GRIK2: variants seen among roughly 807,000 people sequenced by gnomAD.
The protein encoded by GRIK2 is glutamate receptor ionotropic, kainate 2.
A neutral mutation model predicts 100.3 loss-of-function variants in GRIK2; 32 were observed. The ratio of observed to expected loss-of-function variants is 0.32; its 90% confidence interval spans 0.24 to 0.43. The LOEUF is 0.43. Ranked by LOEUF, GRIK2 falls within the 20% of genes least tolerant of loss-of-function variation. The probability of loss-of-function intolerance (pLI) is 1.00; values close to 1 mark genes in which losing one functional copy is unlikely to be tolerated. For missense variants in GRIK2, 843 were observed against 1,114.9 expected, an observed-to-expected ratio of 0.76 and a Z score of 3.47; for synonymous variants, 417 against 389.4, an observed-to-expected ratio of 1.07 and a Z score of -0.83.
intron 2 of GRIK2, among the ~76,000 whole-genome samples, chr6:101,513,993 T>C (rs1042602033): frequency 6.6e-6 from 1 of 152,070 alleles, no homozygotes; most frequent in Middle Eastern, 3.4e-3. Context: ...ATCAACAAAA[T>C]AGACAAATTG....
intron 2 of GRIK2, among the ~76,000 whole-genome samples, chr6:101,593,096 T>C (rs1778752280): frequency 6.6e-6 from 1 of 151,910 alleles, no homozygotes; most frequent in African/African-American, 2.4e-5. Context: ...GCTTCTGGCA[T>C]CCTATGGGTG....
chr6:101,925,676 G>A lies in GRIK2; in HGVS notation c.1867+957G>A, dbSNP rs1004368351. Among the ~76,000 whole-genome samples, 4 of 151,926 alleles carry A rather than the reference G, an allele frequency of 2.6e-5. 1 individual carries two copies. Among genetic ancestry groups the A allele is most frequent in the African/African-American group, 2.4e-5 (1 of 41,494 alleles). On this transcript the variant is annotated intron_variant, in intron 13 of 16. Coordinates refer to ENST00000369134, the MANE Select transcript of GRIK2 (RefSeq NM_021956.5). ...GAAAAAAAAACATATTTCTTCATAAGAGTTATCATACCTATCATAAGGTTT... is the reference window on the plus strand; with the variant it reads ...GAAAAAAAAACATATTTCTTCATAAAAGTTATCATACCTATCATAAGGTTT...
At chr6:101,731,906 T>C (rs1453317213) in intron 7 of GRIK2, among the ~76,000 whole-genome samples, 1 of 151,942 alleles carries the variant, frequency 6.6e-6, no homozygotes, top group African/African-American at 2.4e-5. Flanking sequence ...CTATAAATAA[T>C]ACATAGTTTT....
At chr6:101,447,063 A>T (rs1272590711) in intron 2 of GRIK2, among the ~76,000 whole-genome samples, 1 of 148,938 alleles carries the variant, frequency 6.7e-6, no homozygotes. Context: ...TTGTGTATAT[A>T]TATATTACAG....
chr6:102,014,762 C>T (rs376831432), intron 14 of GRIK2, among the ~76,000 whole-genome samples: 2 of 152,054 alleles, frequency 1.3e-5, no homozygotes, highest in Non-Finnish European at 2.9e-5. Context: ...TTTTCTTAGT[C>T]TTGAATTCTA....
At chr6:101,726,978 A>G (rs534013232) in intron 7 of GRIK2, among the ~76,000 whole-genome samples, 27 of 152,144 alleles carry the variant, frequency 1.8e-4, no homozygotes, top group African/African-American at 6.3e-4. Flanking sequence ...GTTTGAAAGT[A>G]TTACAGATAT....
intron 5 of GRIK2, 74 bp downstream of exon 5, chr6:101,676,878 A>C (rs1770880141): frequency 2.4e-6 from 2 of 843,246 alleles, no homozygotes; most frequent in South Asian, 3.5e-5. Context: ...TTTTAAATCA[A>C]AATATTATTG....
chr6:101,817,457 T>C (rs1011088925), intron 9 of GRIK2, among the ~76,000 whole-genome samples: 1 of 152,190 alleles, frequency 6.6e-6, no homozygotes, highest in African/African-American at 2.4e-5. Flanking sequence ...CAAATTTTGT[T>C]ATTGATTACT....
intron 2 of GRIK2, among the ~76,000 whole-genome samples, chr6:101,402,692 A>G (rs1775385969): frequency 6.6e-6 from 1 of 152,132 alleles, no homozygotes; most frequent in Admixed American, 6.5e-5. Context: ...TTAGAGAGTC[A>G]GTTCTCCTGC....
At chr6:102,057,062 C>A (rs1771499150) in intron 16 of GRIK2, among the ~76,000 whole-genome samples, 1 of 151,804 alleles carries the variant, frequency 6.6e-6, no homozygotes, top group South Asian at 2.1e-4. Flanking sequence ...GAAACTAAAT[C>A]TAAAGAGCTA....
chr6:102,048,641 A>G (rs966201485), intron 15 of GRIK2, among the ~76,000 whole-genome samples: 4 of 152,158 alleles, frequency 2.6e-5, no homozygotes, highest in Non-Finnish European at 5.9e-5. Context: ...AATTAAAACC[A>G]CAGTGACATA....
intron 2 of GRIK2, among the ~76,000 whole-genome samples, chr6:101,587,243 C>T (rs1778421293): frequency 6.6e-6 from 1 of 151,944 alleles, no homozygotes; most frequent in Non-Finnish European, 1.5e-5. Flanking sequence ...TTTAAAGGGA[C>T]AATTGGACAG....
At chr6:101,396,080 A>G (rs961690895) in intron 1 of GRIK2, among the ~76,000 whole-genome samples, 6 of 152,174 alleles carry the variant, frequency 3.9e-5, no homozygotes, top group Non-Finnish European at 7.4e-5. Context: ...TCAGTGAAAT[A>G]CTGTGTAAGG....
intron 14 of GRIK2, among the ~76,000 whole-genome samples, chr6:101,939,806 A>G (rs1407674029): frequency 6.6e-6 from 1 of 152,130 alleles, no homozygotes; most frequent in Non-Finnish European, 1.5e-5. Flanking sequence ...CAACAAATAG[A>G]TATAACTAAA....
intron 10 of GRIK2, among the ~76,000 whole-genome samples, chr6:101,825,084 G>T (rs1782228976): frequency 6.6e-6 from 1 of 152,116 alleles, no homozygotes; most frequent in Non-Finnish European, 1.5e-5. Flanking sequence ...GAGTTGCATA[G>T]CATTTGGGCT....
At chr6:101,549,495 A>G (rs1776407941) in intron 2 of GRIK2, among the ~76,000 whole-genome samples, 1 of 152,094 alleles carries the variant, frequency 6.6e-6, no homozygotes, top group African/African-American at 2.4e-5. Flanking sequence ...TGCTGGCAAT[A>G]TATATACAAT....
intron 2 of GRIK2, among the ~76,000 whole-genome samples, chr6:101,479,825 T>C (rs1227805234): frequency 1.3e-5 from 2 of 152,210 alleles, no homozygotes; most frequent in Admixed American, 1.3e-4. Context: ...TCATTTTCAA[T>C]GTTTCTTTAT....
chr6:101,772,145 G>A (rs896394091), intron 7 of GRIK2, among the ~76,000 whole-genome samples: 9 of 152,122 alleles, frequency 5.9e-5, no homozygotes, highest in African/African-American at 2.2e-4. Context: ...TTCATTCTCA[G>A]AGGGAGATAT....
At chr6:101,795,439 C>T (rs1037550758) in intron 7 of GRIK2, among the ~76,000 whole-genome samples, 11 of 152,216 alleles carry the variant, frequency 7.2e-5, no homozygotes, top group Admixed American at 1.3e-4. Flanking sequence ...GCTAAGTGTG[C>T]CTGTCTTTAG....
Sources: gnomAD v4.1 joint callset for allele counts (sites outside exome capture counted in the v4.1 genomes callset) on GRCh38, gnomAD v4.1.1 for gene constraint, MANE v1.5 for transcripts, NCBI Gene and HGNC (gene_info 2026-07-23, HGNC 2026-07-21) for gene names.